The following DNAJC10 variants were observed in gnomAD, a reference collection of about 807,000 sequenced individuals.
DNAJC10 encodes DnaJ heat shock protein family (Hsp40) member C10.
A neutral mutation model predicts 115.0 loss-of-function variants in DNAJC10; 101 were observed. That is an observed-to-expected ratio of 0.88 (90% CI 0.75 to 1.04). The LOEUF (loss-of-function observed/expected upper bound fraction) is 1.04. DNAJC10 is among the 50% of genes least tolerant of loss of function. DNAJC10 has a pLI of 0.00. For synonymous variants in DNAJC10, 307 were observed against 301.5 expected (o/e 1.02, Z -0.19); for missense variants, 981 against 928.8 (o/e 1.06, Z -0.73).
chr2:182,773,456 T>G (rs1252192018), intron 22 of DNAJC10, among the ~76,000 whole-genome samples: 2 of 152,228 alleles, frequency 1.3e-5, no homozygotes, highest in Non-Finnish European at 2.9e-5. Flanking sequence ...CCCATCACTT[T>G]CAAGTACACC....
In DNAJC10 at chr2:182,781,099, T is replaced by TA. The variant is rs1471535005; in HGVS notation, c.*3969dup. 6.6e-6 allele frequency: 1 copy of TA among 152,156 alleles called. No individual in the cohort carries two copies. Among genetic ancestry groups the TA allele is most frequent in the African/African-American group, 2.4e-5 (1 of 41,414 alleles). The allele number at this position is 152,156 out of a possible 1,614,324, so 9.4% of individuals were successfully genotyped here. On this transcript the variant is annotated 3_prime_UTR_variant, in exon 24 of 24. Transcript: ENST00000264065. ...TGTCATCTACATTAGCTATTTCTTC[T>TA]AATGTTGTCCTTCCCCTTGCCCCCT...
chr2:182,771,318 G>A (rs998055779), intron 22 of DNAJC10, among the ~76,000 whole-genome samples: 1 of 152,126 alleles, frequency 6.6e-6, no homozygotes, highest in Non-Finnish European at 1.5e-5. Context: ...CCAGGCTTTG[G>A]TATCAGGATG....
chr2:182,751,502 T>G (rs1329013155), intron 14 of DNAJC10, among the ~76,000 whole-genome samples, 156 bp from the exon 15 acceptor site: 4 of 152,170 alleles, frequency 2.6e-5, no homozygotes, highest in Admixed American at 6.5e-5. Context: ...CTATCAGAGC[T>G]AAGCCCTGTA....
At position 182,774,289 on chromosome 2, in the gene DNAJC10, G is replaced by A. The variant is rs190458104; in HGVS notation, c.2266-1027G>A. On this transcript the variant is annotated intron_variant, in intron 22 of 23. Coordinates refer to ENST00000264065, the MANE Select transcript of DNAJC10 (RefSeq NM_018981.4). ...CCCTACTGGAAGGTGTCTCCCAGTC[G>A]GGCTACATGGGGATCAGGGACTCAC... is the stretch of plus-strand genomic sequence containing the variant. 8.5e-5 allele frequency among the ~76,000 whole-genome samples: 13 copies of A among 152,280 alleles called. No individual in the cohort carries two copies. The South Asian group carries it at 1.0e-3, about 12-fold the overall frequency.
At position 182,720,137 on chromosome 2, in the gene DNAJC10, A is replaced by C; in HGVS notation, c.335A>C (p.Tyr112Ser). 1 of 1,610,774 alleles carries C rather than the reference A, an allele frequency of 6.2e-7. No homozygotes were observed. The highest frequency in any genetic ancestry group is 2.2e-5 in the East Asian group (1 of 44,718). The change falls in exon 4 of 24, where the codon TAT becomes TCT. Residue 112 changes from tyrosine to serine, a missense_variant. Tyr to Ser is a moderately radical substitution (Grantham distance 144). Transcript: ENST00000264065. ...CTTGAGGATAATCAAGGTGGCCAGTATGAAAGCTGGAACTATTATCGTTAT... is the reference window on the plus strand; with the variant it reads ...CTTGAGGATAATCAAGGTGGCCAGTCTGAAAGCTGGAACTATTATCGTTAT... The part of the protein sequence containing the change: ...KGLEDNQGGQ[Y>S]ESWNYYRYDF...
At chr2:182,753,941 A>C (rs2105672905) in intron 16 of DNAJC10, among the ~76,000 whole-genome samples, 1 of 152,256 alleles carries the variant, frequency 6.6e-6, no homozygotes, top group Non-Finnish European at 1.5e-5. Context: ...AGTTCAGTGT[A>C]AGGATTTAAA....
chr2:182,768,770 G>T (rs1295133575), intron 22 of DNAJC10, among the ~76,000 whole-genome samples: 7 of 152,148 alleles, frequency 4.6e-5, no homozygotes, highest in Non-Finnish European at 8.8e-5. Context: ...TGGTTGGGCA[G>T]TGCTAATGAT....
At position 182,780,586 on chromosome 2, in the gene DNAJC10, T is replaced by C. The variant is rs1694822372; in HGVS notation, c.*3454T>C. ...ATGCAAAACAGACTAATACAGTTTC[T>C]TTTCAGTAAGAATTACAAAATTTAG... On this transcript the variant is annotated 3_prime_UTR_variant, in exon 24 of 24. Coordinates refer to ENST00000264065, the MANE Select transcript of DNAJC10 (RefSeq NM_018981.4). 6.6e-6 allele frequency: 1 copy of C among 152,196 alleles called. No individual in the cohort carries two copies. The allele number at this position is 152,196 out of a possible 1,614,324, so 9.4% of individuals were successfully genotyped here. A position where few individuals can be genotyped will look rare whatever the true frequency, so the allele number is the denominator to read the frequency against.
intron 14 of DNAJC10, among the ~76,000 whole-genome samples, chr2:182,745,256 C>A (rs1299005288): frequency 2.0e-5 from 3 of 152,222 alleles, no homozygotes; most frequent in Admixed American, 6.6e-5. Context: ...CACAGTCTGG[C>A]TCTGCCAGTT....
intron 11 of DNAJC10, chr2:182,739,452 G>T: frequency 1.1e-6 from 1 of 916,156 alleles, no homozygotes; most frequent in Non-Finnish European, 1.4e-6. Context: ...AACATAGATG[G>T]TTCATAATTA....
chr2:182,739,925 G>A, intron 11 of DNAJC10: 1 of 987,286 alleles, frequency 1.0e-6, no homozygotes, highest in Non-Finnish European at 1.2e-6. Context: ...TTGGCATTCT[G>A]TAAAACATGA....
chr2:182,776,730 A>G (rs908273267), intron 23 of DNAJC10, among the ~76,000 whole-genome samples: 1 of 152,176 alleles, frequency 6.6e-6, no homozygotes, highest in East Asian at 1.9e-4. Flanking sequence ...CTGAACAAAC[A>G]TGTTTTTCTA....
chr2:182,725,811 T>C (rs1029019004), intron 5 of DNAJC10, among the ~76,000 whole-genome samples: 1 of 152,190 alleles, frequency 6.6e-6, no homozygotes, highest in African/African-American at 2.4e-5. Flanking sequence ...AAGGTGGCTA[T>C]ACTAAACAAC....
chr2:182,790,482 T>G lies in DNAJC10; in HGVS notation c.*13350T>G, dbSNP rs955232091. On this transcript the variant is annotated 3_prime_UTR_variant, in exon 24 of 24. Coordinates refer to ENST00000264065, the MANE Select transcript of DNAJC10 (RefSeq NM_018981.4). ...AATATCTAATGAAGCACCTTTTCCC[T>G]TTTCTAAAATTCAATAGTAAGGGCC... 6.6e-6 allele frequency: 1 copy of G among 152,082 alleles called. No individual in the cohort carries two copies. The highest frequency in any genetic ancestry group is 6.6e-5 in the Admixed American group (1 of 15,252). The allele number at this position is 152,082 out of a possible 1,614,324, so 9.4% of individuals were successfully genotyped here.
At chr2:182,752,638 C>T (rs1694052242) in intron 16 of DNAJC10, 3 of 828,572 alleles carry the variant, frequency 3.6e-6, no homozygotes, top group Non-Finnish European at 4.4e-6. Context: ...ATATTCACTC[C>T]TCAGTTGCAG....
At chr2:182,717,233 A>T (rs979498801) in intron 2 of DNAJC10, among the ~76,000 whole-genome samples, 161 bp downstream of exon 2, 2 of 152,226 alleles carry the variant, frequency 1.3e-5, no homozygotes. Flanking sequence ...TGCCCTGCAG[A>T]GAGTATGTCT....
intron 4 of DNAJC10, 82 bp downstream of exon 4, chr2:182,720,251 AT>A: frequency 1.7e-6 from 2 of 1,144,590 alleles, no homozygotes; most frequent in Non-Finnish European, 2.6e-6. Flanking sequence ...CTTAGCTTAT[AT>A]ATTTAAGATG....
chr2:182,737,153 TTTTGACA>T (rs2105637683), intron 11 of DNAJC10, among the ~76,000 whole-genome samples: 1 of 152,274 alleles, frequency 6.6e-6, no homozygotes, highest in South Asian at 2.1e-4. Flanking sequence ...GTAAACTCAG[TTTTGACA>T]TCTTGTAATG....
chr2:182,734,500 T>A (rs183441869), intron 10 of DNAJC10, among the ~76,000 whole-genome samples: 29 of 151,882 alleles, frequency 1.9e-4, no homozygotes, highest in Admixed American at 1.7e-3. Flanking sequence ...ATATGGTAAA[T>A]TTTTATAAAT....
Sources: gnomAD v4.1 joint callset for allele counts (sites outside exome capture counted in the v4.1 genomes callset) on GRCh38, gnomAD v4.1.1 for gene constraint, MANE v1.5 for transcripts, NCBI Gene and HGNC (gene_info 2026-07-23, HGNC 2026-07-21) for gene names.